Variants in PRH1 observed in about 807,000 individuals in gnomAD.
The protein encoded by PRH1 is salivary acidic proline-rich phosphoprotein 1/2.
Under a neutral mutation model 7.9 loss-of-function variants are expected in PRH1, and 7 were observed. The observed-to-expected ratio is 0.89, with a 90% CI of 0.50 to 1.67. The LOEUF (loss-of-function observed/expected upper bound fraction) is 1.67, where lower values mean the gene tolerates loss of function less well. PRH1 is among the 40% of genes most tolerant of loss of function. The pLI is 0.00. For missense variants in PRH1, 109 were observed against 223.6 expected (o/e 0.49, Z 3.27); for synonymous variants, 45 against 80.8 (o/e 0.56, Z 2.38).
chr12:11,074,500 C>G (rs1944217692), intron 1 of PRH1, among the ~76,000 whole-genome samples: 1 of 138,172 alleles, frequency 7.2e-6, no homozygotes, highest in South Asian at 2.2e-4. Flanking sequence ...TGTCAAGTCT[C>G]AAGGAGAGAT....
Position 11,149,499 on chromosome 12 carries a change from G to A in PRH1, n.39+21923C>T, listed in dbSNP as rs9697464. Among the ~76,000 whole-genome samples, 174 of 150,384 alleles carry A rather than the reference G, an allele frequency of 1.2e-3. No individual in the cohort carries two copies. In the East Asian group the frequency reaches 0.014, roughly 12 times the overall value. On this transcript the variant is annotated intron_variant and non_coding_transcript_variant, in intron 1 of 1. Transcript: ENST00000541175. ...TAGATCAATGGAACAGAACAGAGCC[G>A]TCAGAAATAACGCCGCATATCTACA...
intron 1 of PRH1, among the ~76,000 whole-genome samples, chr12:11,156,303 G>T (rs986356562): frequency 6.6e-6 from 1 of 151,892 alleles, no homozygotes; most frequent in Non-Finnish European, 1.5e-5. Flanking sequence ...ATTTTCTATT[G>T]GTCTTTGGTT....
At chr12:10,939,399 A>G in intron 2 of PRH1, 1 of 490,576 alleles carries the variant, frequency 2.0e-6, no homozygotes. Context: ...AAATCTCTGT[A>G]TTTCCCCAGA....
chr12:11,029,943 C>T (rs146972874), intron 1 of PRH1, among the ~76,000 whole-genome samples: 4 of 150,878 alleles, frequency 2.7e-5, no homozygotes, highest in Admixed American at 1.3e-4. Flanking sequence ...CCAATAAATT[C>T]GAGGTTCAAG....
intron 1 of PRH1, among the ~76,000 whole-genome samples, chr12:11,014,965 A>T (rs1410924839): frequency 1.3e-5 from 2 of 152,152 alleles, no homozygotes; most frequent in Non-Finnish European, 2.9e-5. Context: ...ATAATTGCTC[A>T]CAGGCACCAG....
Position 10,889,653 on chromosome 12 carries a change from T to C in PRH1, c.-58-5378A>G, listed in dbSNP as rs4763220. On this transcript the variant is annotated intron_variant, in intron 2 of 3. Transcript: ENST00000539853. ...AAACTCAGAATGCATGAATAGTACA[T>C]CATTTGTTATAGCCTTTCATATTCA... Among the ~76,000 whole-genome samples, 1,352 of 152,272 alleles carry C rather than the reference T, an allele frequency of 8.9e-3. 10 individuals are homozygous for C. Among genetic ancestry groups the C allele is most frequent in the Non-Finnish European group, 0.014 (952 of 68,020 alleles).
chr12:11,054,750 A>G (rs2136161324), intron 1 of PRH1, among the ~76,000 whole-genome samples: 1 of 152,236 alleles, frequency 6.6e-6, no homozygotes, highest in East Asian at 1.9e-4. Context: ...GGAAATAAGA[A>G]AAAAAGGTGT....
chr12:11,025,320 T>C (rs1941854002), intron 1 of PRH1, among the ~76,000 whole-genome samples: 1 of 152,266 alleles, frequency 6.6e-6, no homozygotes, highest in Non-Finnish European at 1.5e-5. Context: ...TCATTTTCAA[T>C]TTCTGTTTAT....
At chr12:11,024,912 T>C (rs1159137716) in intron 1 of PRH1, among the ~76,000 whole-genome samples, 2 of 152,242 alleles carry the variant, frequency 1.3e-5, no homozygotes, top group African/African-American at 2.4e-5. Context: ...AGCCTCTTTA[T>C]TGCTATTTGC....
intron 2 of PRH1, among the ~76,000 whole-genome samples, chr12:10,910,769 T>C (rs914576159): frequency 2.6e-5 from 4 of 152,186 alleles, no homozygotes; most frequent in Non-Finnish European, 4.4e-5. Context: ...TTATCTTGAT[T>C]ATAAGATAAT....
chr12:11,171,524 C>G (rs1286051728), upstream of PRH1: 1 of 1,232,218 alleles, frequency 8.1e-7, no homozygotes, highest in Non-Finnish European at 1.0e-6. Context: ...ACGTCGCGGG[C>G]TCGGTGATCC....
chr12:10,903,948 A>C (rs1368339547), intron 2 of PRH1, among the ~76,000 whole-genome samples: 1 of 146,930 alleles, frequency 6.8e-6, no homozygotes, highest in Non-Finnish European at 1.5e-5. Flanking sequence ...AAAAAAAAAA[A>C]AAAAAACAAC....
chr12:11,130,287 G>A (rs372712853), intron 1 of PRH1, among the ~76,000 whole-genome samples: 2 of 152,256 alleles, frequency 1.3e-5, no homozygotes, highest in South Asian at 2.1e-4. Context: ...AAGATTCAGG[G>A]ACCGACAACA....
intron 2 of PRH1, among the ~76,000 whole-genome samples, chr12:10,900,205 G>A (rs1170778552): frequency 6.6e-6 from 1 of 152,138 alleles, no homozygotes; most frequent in Admixed American, 6.5e-5. Context: ...GCCTCCCTCT[G>A]TGACTCACCT....
At position 10,997,199 on chromosome 12, in the gene PRH1, T is replaced by C. The variant is rs1565534210; in HGVS notation, c.-125-23478A>G. The C allele has an allele frequency of 7.4e-6, 12 of 1,614,084 alleles. No individual in the cohort carries two copies. The highest frequency in any genetic ancestry group is 9.3e-6 in the Non-Finnish European group (11 of 1,179,976). ...GAAGGAGGTCACAGTTTGCAGAGCT[T>C]TTATGTGGATCTTGGTGCTGGGATC... On this transcript the variant is annotated intron_variant, in intron 1 of 3. Transcript: ENST00000539853.
At chr12:10,970,845 C>T (rs916843304) in intron 2 of PRH1, among the ~76,000 whole-genome samples, 1 of 152,136 alleles carries the variant, frequency 6.6e-6, no homozygotes, top group Non-Finnish European at 1.5e-5. Context: ...GGATTACAGG[C>T]GTGAGCCACT....
At chr12:10,958,654 G>A (rs965203868) in intron 2 of PRH1, among the ~76,000 whole-genome samples, 5 of 152,172 alleles carry the variant, frequency 3.3e-5, no homozygotes, top group Non-Finnish European at 7.4e-5. Context: ...TATCTGAGGA[G>A]TGATAACGTT....
chr12:11,087,418 G>A (rs892218306), intron 1 of PRH1, among the ~76,000 whole-genome samples: 1 of 116,968 alleles, frequency 8.5e-6, no homozygotes, highest in African/African-American at 2.9e-5. Context: ...CTGAAGGTCA[G>A]ATGCTACCTA....
intron 1 of PRH1, among the ~76,000 whole-genome samples, chr12:11,036,273 C>G (rs1349439508): frequency 6.6e-6 from 1 of 152,208 alleles, no homozygotes; most frequent in African/African-American, 2.4e-5. Flanking sequence ...ACAGTACTTA[C>G]GAGTTTATCA....
Sources: gnomAD v4.1 joint callset for allele counts (sites outside exome capture counted in the v4.1 genomes callset) on GRCh38, gnomAD v4.1.1 for gene constraint, MANE v1.5 for transcripts, NCBI Gene and HGNC (gene_info 2026-07-23, HGNC 2026-07-21) for gene names.